Variants in ROR2 observed in about 807,000 individuals in gnomAD.
The protein encoded by ROR2 is ROR family WNT receptor 2.
ROR2 carries 33 observed loss-of-function variants against 74.9 expected under a neutral mutation model. The ratio of observed to expected loss-of-function variants is 0.44; its 90% CI spans 0.33 to 0.59. The LOEUF is 0.59. Among genes scored for constraint, ROR2 ranks in the 20% least tolerant of loss-of-function variants. The pLI is 0.02. For missense variants in ROR2, 1,216 were observed against 1,313.8 expected (o/e 0.93, Z 1.15); for synonymous variants, 586 against 558.7 (o/e 1.05, Z -0.69).
chr9:91,901,433 A>G (rs552681850), intron 1 of ROR2, among the ~76,000 whole-genome samples: 11 of 152,282 alleles, frequency 7.2e-5, no homozygotes, highest in African/African-American at 2.6e-4. Flanking sequence ...CTTAGAACTA[A>G]GATCTTTGTT....
At chr9:91,945,857 TC>T (rs1831999544) in intron 1 of ROR2, among the ~76,000 whole-genome samples, 1 of 152,214 alleles carries the variant, frequency 6.6e-6, no homozygotes, top group South Asian at 2.1e-4. Flanking sequence ...TGTCCCGCCC[TC>T]GTTTCCAACT....
intron 2 of ROR2, among the ~76,000 whole-genome samples, chr9:91,764,207 G>C (rs1347712976): frequency 1.3e-5 from 2 of 152,046 alleles, no homozygotes; most frequent in Admixed American, 1.3e-4. Flanking sequence ...CATTTTATCT[G>C]ATATTATTAT....
chr9:91,747,520 C>T (rs56239253), intron 4 of ROR2, among the ~76,000 whole-genome samples: 3,177 of 152,306 alleles, frequency 0.021, 106 homozygotes, highest in African/African-American at 0.067. Context: ...TACTACTATT[C>T]GCTGTTCAAC....
chr9:91,903,093 C>A (rs1830715645), intron 1 of ROR2, among the ~76,000 whole-genome samples: 2 of 151,896 alleles, frequency 1.3e-5, no homozygotes. Flanking sequence ...ATGGTAAATT[C>A]CATGATATGC....
At chr9:91,820,566 T>TCCCTC (rs1436772321) in intron 1 of ROR2, among the ~76,000 whole-genome samples, 1 of 147,436 alleles carries the variant, frequency 6.8e-6, no homozygotes, top group Non-Finnish European at 1.5e-5. Context: ...GCTGGCTCCC[T>TCCCTC]CCCTCCCCTC....
intron 1 of ROR2, among the ~76,000 whole-genome samples, chr9:91,917,073 C>T (rs6479383): frequency 0.32 from 47,995 of 152,042 alleles, 7,959 homozygotes; most frequent in Admixed American, 0.48. Context: ...CCAACCATTT[C>T]GTTGAAGTTC....
intron 1 of ROR2, among the ~76,000 whole-genome samples, chr9:91,911,141 T>A (rs7850248): frequency 6.6e-6 from 1 of 152,204 alleles, no homozygotes; most frequent in East Asian, 1.9e-4. Context: ...CCCCACCACC[T>A]GTTCCTTTGA....
At position 91,722,902 on chromosome 9, in the gene ROR2, A is replaced by G. The variant is rs1011686920; in HGVS notation, c.*760T>C. On this transcript the variant is annotated 3_prime_UTR_variant, in exon 9 of 9. Coordinates refer to ENST00000375708, the MANE Select transcript of ROR2 (RefSeq NM_004560.4). ...TACATGATTCTTAACAAAAATAACA[A>G]TACCGTGTTCTGTACAATACTGCTT... 1.9e-5 allele frequency: 8 copies of G among 412,102 alleles called. No individual in the cohort carries two copies. The highest frequency in any genetic ancestry group is 3.6e-5 in the Admixed American group (1 of 28,118). 25.5% of individuals were successfully genotyped at this position (412,102 alleles called of 1,614,324 possible). A position where few individuals can be genotyped will look rare whatever the true frequency, so the allele number is the denominator to read the frequency against.
chr9:91,906,461 C>T (rs912479376), intron 1 of ROR2, among the ~76,000 whole-genome samples: 1 of 152,176 alleles, frequency 6.6e-6, no homozygotes, highest in Non-Finnish European at 1.5e-5. Context: ...TGGTCACAGG[C>T]TGCCACAAGT....
chr9:91,723,910 G>A lies in ROR2; in HGVS notation c.2584C>T (p.His862Tyr), dbSNP rs765260046. ...CTGGTGGAGCCACTGCCACTGTGGT[G>A]TGAGCTGGGCTTGGGGACCATCTGA... Reference protein sequence around the residue: ...PPQMVPKPSSHHSGSGSTSTG... With the variant: ...PPQMVPKPSSYHSGSGSTSTG... Residue 862 changes from histidine (H) to tyrosine (Y), a missense_variant, in exon 9 of 9, where the codon CAC (histidine) becomes TAC (tyrosine). Coordinates refer to ENST00000375708, the MANE Select transcript of ROR2 (RefSeq NM_004560.4). The A allele has an allele frequency of 6.2e-7, 1 of 1,613,980 alleles. No homozygotes were observed. Among genetic ancestry groups the A allele is most frequent in the Non-Finnish European group, 8.5e-7 (1 of 1,180,042 alleles).
chr9:91,771,190 G>A (rs772035218), intron 2 of ROR2, among the ~76,000 whole-genome samples: 3 of 152,172 alleles, frequency 2.0e-5, no homozygotes, highest in Admixed American at 6.5e-5. Context: ...CAGTGTGGAC[G>A]AGGAGCAGCT....
chr9:91,862,938 A>G (rs568731730), intron 1 of ROR2, among the ~76,000 whole-genome samples: 9 of 152,248 alleles, frequency 5.9e-5, no homozygotes, highest in Non-Finnish European at 1.2e-4. Context: ...CAAAGAAAAC[A>G]CATAAATGGC....
intron 7 of ROR2, among the ~76,000 whole-genome samples, chr9:91,729,676 C>T (rs1260079566): frequency 1.3e-5 from 2 of 152,178 alleles, no homozygotes; most frequent in East Asian, 3.9e-4. Context: ...TTCCAGCTCC[C>T]AGCCCAGCCT....
intron 1 of ROR2, among the ~76,000 whole-genome samples, chr9:91,867,388 T>G (rs1829665191): frequency 6.6e-6 from 1 of 152,156 alleles, no homozygotes; most frequent in East Asian, 1.9e-4. Context: ...ATAACTTAAT[T>G]CTGCAATTGG....
chr9:91,792,030 T>C (rs945226465), intron 1 of ROR2, among the ~76,000 whole-genome samples: 1 of 152,104 alleles, frequency 6.6e-6, no homozygotes, highest in East Asian at 1.9e-4. Flanking sequence ...ACACAAAAAT[T>C]AGAAAATACT....
intron 7 of ROR2, among the ~76,000 whole-genome samples, 159 bp downstream of exon 7, chr9:91,730,751 G>A (rs372180592): frequency 6.6e-6 from 1 of 152,094 alleles, no homozygotes; most frequent in Non-Finnish European, 1.5e-5. Flanking sequence ...ACTACGCGTG[G>A]CCCAACAGCT....
intron 1 of ROR2, among the ~76,000 whole-genome samples, chr9:91,922,068 AG>A (rs1372341402): frequency 6.6e-6 from 1 of 151,966 alleles, no homozygotes. Flanking sequence ...CATTAGGACT[AG>A]GACGACTATT....
intron 1 of ROR2, among the ~76,000 whole-genome samples, chr9:91,854,974 G>T (rs923882092): frequency 6.6e-6 from 1 of 152,028 alleles, no homozygotes; most frequent in African/African-American, 2.4e-5. Context: ...TTTAGTAAAG[G>T]CAAATGAAAA....
chr9:91,848,440 A>T (rs1828991040), intron 1 of ROR2, among the ~76,000 whole-genome samples: 1 of 152,146 alleles, frequency 6.6e-6, no homozygotes, highest in African/African-American at 2.4e-5. Flanking sequence ...TGTTTTAATC[A>T]ATCTGGCTAA....
Sources: gnomAD v4.1 joint callset for allele counts (sites outside exome capture counted in the v4.1 genomes callset) on GRCh38, gnomAD v4.1.1 for gene constraint, MANE v1.5 for transcripts, NCBI Gene and HGNC (gene_info 2026-07-23, HGNC 2026-07-21) for gene names.